Variants in SEMA6D observed in about 807,000 individuals in gnomAD.
The protein encoded by SEMA6D is semaphorin 6D.
A neutral mutation model predicts 106.6 loss-of-function variants in SEMA6D; 35 were observed. The ratio of observed to expected loss-of-function variants is 0.33; its 90% CI spans 0.25 to 0.44. SEMA6D has a LOEUF of 0.44. Ranked by LOEUF, SEMA6D falls within the 20% of genes least tolerant of loss-of-function variation. The probability of loss-of-function intolerance (pLI) is 1.00; values close to 1 mark genes in which losing one functional copy is unlikely to be tolerated. For synonymous variants in SEMA6D, 499 were observed against 487.7 expected (o/e 1.02, Z -0.31); for missense variants, 1,185 against 1,345.9 (o/e 0.88, Z 1.87).
chr15:47,383,008 C>T (rs189750891), intron 1 of SEMA6D, among the ~76,000 whole-genome samples: 5 of 152,250 alleles, frequency 3.3e-5, no homozygotes, highest in East Asian at 1.9e-4. Flanking sequence ...TCAGGTAATC[C>T]GCCCCCCTTG....
At chr15:47,648,900 T>C (rs529934135) in intron 4 of SEMA6D, among the ~76,000 whole-genome samples, 7 of 152,350 alleles carry the variant, frequency 4.6e-5, no homozygotes, top group Non-Finnish European at 8.8e-5. Flanking sequence ...ACTTTTTTAA[T>C]ATGTGGTTTT....
In SEMA6D at chr15:47,577,242, A is replaced by G. The variant is rs76329268; in HGVS notation, c.-86-23623A>G. On this transcript the variant is annotated intron_variant, in intron 3 of 19. Coordinates refer to the SEMA6D transcript ENST00000558014. The stretch of plus-strand genomic sequence containing the variant: ...CCCTGATATTTTGACTTTAACAGCA[A>G]GGGTGAAGAAAGTTATGCAAGCATA... 5.3e-5 allele frequency among the ~76,000 whole-genome samples: 8 copies of G among 152,372 alleles called. No individual in the cohort carries two copies. In the East Asian group the frequency reaches 1.5e-3, roughly 29 times the overall value.
In SEMA6D at chr15:47,308,815, A is replaced by G. The variant is rs561812513; in HGVS notation, c.-238-103578A>G. Reference sequence around the variant, plus strand: ...AACTCATCTCTCTTAGGTTGGAACTATTTTGGACAGTAGCTAAAATCAAAT... The same window carrying G: ...AACTCATCTCTCTTAGGTTGGAACTGTTTTGGACAGTAGCTAAAATCAAAT... On this transcript the variant is annotated intron_variant, in intron 1 of 19. Transcript: ENST00000558014. Among the ~76,000 whole-genome samples the G allele has an allele frequency of 1.5e-4, 23 of 152,306 alleles. No homozygotes were observed. In the South Asian group the frequency reaches 4.1e-3, roughly 27 times the overall value.
intron 1 of SEMA6D, among the ~76,000 whole-genome samples, chr15:47,223,800 G>T (rs763440570): frequency 6.6e-5 from 10 of 151,984 alleles, no homozygotes; most frequent in Non-Finnish European, 2.9e-5. Flanking sequence ...TGAATTTATG[G>T]TACATATATT....
chr15:47,676,010 T>C (rs1326358901), intron 4 of SEMA6D, among the ~76,000 whole-genome samples: 4 of 152,094 alleles, frequency 2.6e-5, no homozygotes, highest in Non-Finnish European at 4.4e-5. Context: ...CTGTGTCTAT[T>C]TGGGGCTCTG....
chr15:47,442,440 T>C (rs140253516), intron 2 of SEMA6D, among the ~76,000 whole-genome samples: 2 of 152,230 alleles, frequency 1.3e-5, no homozygotes, highest in East Asian at 3.9e-4. Flanking sequence ...AACTTTAGCC[T>C]GCATTTGGGG....
At chr15:47,399,021 G>C (rs138854478) in intron 1 of SEMA6D, among the ~76,000 whole-genome samples, 24 of 152,300 alleles carry the variant, frequency 1.6e-4, no homozygotes, top group African/African-American at 5.5e-4. Flanking sequence ...CAAGATTTAT[G>C]AGCCACCACC....
At chr15:47,766,290 G>C (rs1370847260) in intron 15 of SEMA6D, 108 bp downstream of exon 15, 1 of 893,542 alleles carries the variant, frequency 1.1e-6, no homozygotes, top group East Asian at 2.8e-5. Flanking sequence ...TTTTTTTGTT[G>C]TTATGGGAGA....
intron 3 of SEMA6D, among the ~76,000 whole-genome samples, chr15:47,480,293 G>T (rs2043119796): frequency 6.6e-6 from 1 of 151,576 alleles, no homozygotes; most frequent in Non-Finnish European, 1.5e-5. Flanking sequence ...TTAGCTAATG[G>T]GTATCTCCTA....
intron 1 of SEMA6D, among the ~76,000 whole-genome samples, chr15:47,734,665 C>A (rs931805431): frequency 6.6e-6 from 1 of 152,082 alleles, no homozygotes; most frequent in African/African-American, 2.4e-5. Flanking sequence ...TAAACTAAGG[C>A]AGACTACACA....
intron 4 of SEMA6D, among the ~76,000 whole-genome samples, chr15:47,646,813 G>C (rs2077590194): frequency 6.6e-6 from 1 of 152,150 alleles, no homozygotes; most frequent in Non-Finnish European, 1.5e-5. Flanking sequence ...GCCATGAGCT[G>C]AAAAATGTAT....
At chr15:47,621,452 T>G (rs369791770) in intron 4 of SEMA6D, among the ~76,000 whole-genome samples, 4 of 152,290 alleles carry the variant, frequency 2.6e-5, no homozygotes, top group Non-Finnish European at 5.9e-5. Context: ...TGACTCACTT[T>G]AGATCTTCCT....
intron 4 of SEMA6D, among the ~76,000 whole-genome samples, chr15:47,675,273 C>T (rs2078220028): frequency 6.6e-6 from 1 of 152,254 alleles, no homozygotes; most frequent in Non-Finnish European, 1.5e-5. Flanking sequence ...TCCCTAGGAC[C>T]TCAGAATGTG....
chr15:47,382,502 G>A (rs560958023), intron 1 of SEMA6D, among the ~76,000 whole-genome samples: 14 of 151,800 alleles, frequency 9.2e-5, no homozygotes, highest in African/African-American at 2.9e-4. Context: ...GCGAGACTCC[G>A]TCTCAAAAAG....
At chr15:47,502,513 C>T (rs576957089) in intron 3 of SEMA6D, among the ~76,000 whole-genome samples, 18 of 152,130 alleles carry the variant, frequency 1.2e-4, no homozygotes, top group Non-Finnish European at 2.2e-4. Flanking sequence ...CTCCCACCTC[C>T]GGCCTGAAGT....
intron 1 of SEMA6D, among the ~76,000 whole-genome samples, chr15:47,255,902 T>C (rs2033781505): frequency 6.6e-6 from 1 of 152,182 alleles, no homozygotes; most frequent in African/African-American, 2.4e-5. Flanking sequence ...AAAATGAACC[T>C]GTTACCAATG....
chr15:47,555,449 G>A (rs1031220123), intron 3 of SEMA6D, among the ~76,000 whole-genome samples: 7 of 152,064 alleles, frequency 4.6e-5, no homozygotes, highest in East Asian at 3.9e-4. Context: ...CATACAATAC[G>A]TTTCATTTTA....
chr15:47,573,348 CA>C (rs1422609888), intron 3 of SEMA6D, among the ~76,000 whole-genome samples: 1 of 152,054 alleles, frequency 6.6e-6, no homozygotes, highest in Non-Finnish European at 1.5e-5. Flanking sequence ...CCTTATAAAA[CA>C]GGCAAGATTT....
At chr15:47,706,709 CTTTCTCTCTATT>C (rs1468276610) in intron 4 of SEMA6D, among the ~76,000 whole-genome samples, 3 of 152,044 alleles carry the variant, frequency 2.0e-5, no homozygotes, top group Non-Finnish European at 2.9e-5. Context: ...CTCTCTCTCT[CTTTCTCTCTATT>C]TTTCTCTCTC....
Sources: allele counts gnomAD v4.1 joint callset (sites outside exome capture counted in the v4.1 genomes callset), GRCh38; gene constraint gnomAD v4.1.1; transcripts MANE v1.5; gene names NCBI Gene and HGNC (gene_info 2026-07-23, HGNC 2026-07-21).